Variants in SREBF2 observed in about 807,000 individuals in gnomAD.
SREBF2 encodes sterol regulatory element-binding protein 2.
In SREBF2, 55 loss-of-function variants were observed where a neutral mutation model predicts 113.1. The ratio of observed to expected loss-of-function variants is 0.49; its 90% CI spans 0.39 to 0.61. The LOEUF (loss-of-function observed/expected upper bound fraction) is 0.61. Ranked by LOEUF, SREBF2 falls within the 20% of genes least tolerant of loss-of-function variation. The pLI is 0.00. For synonymous variants in SREBF2, 593 were observed against 605.7 expected (o/e 0.98, Z 0.31); for missense variants, 1,349 against 1,487.4 (o/e 0.91, Z 1.53).
intron 11 of SREBF2, among the ~76,000 whole-genome samples, chr22:41,887,662 G>T (rs1020248697): frequency 1.3e-5 from 2 of 152,128 alleles, no homozygotes; most frequent in Non-Finnish European, 2.9e-5. Context: ...TATTATGAAG[G>T]GTGCTGCTGT....
chr22:41,897,521 G>A (rs2077427510), intron 14 of SREBF2, among the ~76,000 whole-genome samples: 1 of 152,138 alleles, frequency 6.6e-6, no homozygotes, highest in Admixed American at 6.5e-5. Context: ...GCAGCTCTTG[G>A]GCCTTATGCT....
At chr22:41,851,359 TA>T (rs905023655) in intron 1 of SREBF2, among the ~76,000 whole-genome samples, 38 of 148,108 alleles carry the variant, frequency 2.6e-4, no homozygotes, top group African/African-American at 3.5e-4. Flanking sequence ...AATTTATGTT[TA>T]AAAAAAAAAA....
chr22:41,900,504 T>C lies in SREBF2; in HGVS notation c.2907+6T>C. 2.5e-6 allele frequency: 4 copies of C among 1,612,384 alleles called. No individual in the cohort carries two copies. The highest frequency in any genetic ancestry group is 2.5e-6 in the Non-Finnish European group (3 of 1,179,282). ...CTGACCCTGCCCTCAACCACGTGAG[T>C]GGGAGCTGAGTTGGCCCCTGGGGGA... On this transcript the variant is annotated splice_donor_region_variant and intron_variant, in intron 16 of 18. Transcript: ENST00000361204.
intron 1 of SREBF2, among the ~76,000 whole-genome samples, chr22:41,835,309 A>ATT (rs201960674): frequency 4.2e-4 from 46 of 109,322 alleles, no homozygotes; most frequent in Admixed American, 6.9e-4. Flanking sequence ...AGCCACCTAA[A>ATT]TTTTTTTTTT....
At chr22:41,864,808 C>T (rs1347883546) in intron 1 of SREBF2, among the ~76,000 whole-genome samples, 2 of 151,810 alleles carry the variant, frequency 1.3e-5, no homozygotes, top group Non-Finnish European at 2.9e-5. Context: ...AAAAATTAGC[C>T]GGGCATGGTT....
intron 3 of SREBF2, among the ~76,000 whole-genome samples, chr22:41,869,730 C>T (rs903777785): frequency 3.3e-5 from 5 of 152,088 alleles, no homozygotes; most frequent in South Asian, 2.1e-4. Flanking sequence ...AACAGTGCAT[C>T]GATCTCGGCC....
Position 41,894,876 on chromosome 22 carries a change from A to G in SREBF2, c.2434A>G (p.Ile812Val), listed in dbSNP as rs1569408183. The G allele has an allele frequency of 2.5e-6, 4 of 1,614,096 alleles. No individual in the cohort carries two copies. Among genetic ancestry groups the G allele is most frequent in the African/African-American group, 1.3e-5 (1 of 75,048 alleles). ...CTGCAAGAACCTGCTGGAGCGAGCT[A>G]TAGAGTCCTTGGTGAAACCTCAGGC... ...AFCKNLLERA[I>V]ESLVKPQAKK... Residue 812 changes from isoleucine to valine, a missense_variant, in exon 13 of 19, where the codon ATA (isoleucine) becomes GTA (valine). Physicochemically the swap from Ile to Val is conservative, Grantham distance 29. Around this residue, in one of 2 missense-constraint regions of SREBF2, gnomAD observed 650 missense variants for 644.1 expected, o/e 1.01. Coordinates refer to ENST00000361204, the MANE Select transcript of SREBF2 (RefSeq NM_004599.4).
chr22:41,901,890 G>A (rs2077468209), intron 16 of SREBF2, among the ~76,000 whole-genome samples: 1 of 152,238 alleles, frequency 6.6e-6, no homozygotes, highest in Non-Finnish European at 1.5e-5. Flanking sequence ...GAGCCTAGAA[G>A]ACAACGCCAT....
At chr22:41,837,591 G>T (rs8140908) in intron 1 of SREBF2, among the ~76,000 whole-genome samples, 8,491 of 147,410 alleles carry the variant, frequency 0.058, 810 homozygotes, top group African/African-American at 0.2. Flanking sequence ...GGACACGGTG[G>T]CTCACACCTA....
intron 8 of SREBF2, 97 bp from the exon 9 acceptor site, chr22:41,877,834 GAAAATGAGGTA>G (rs1205948301): frequency 3.3e-6 from 4 of 1,209,610 alleles, no homozygotes; most frequent in Non-Finnish European, 4.9e-6. Flanking sequence ...CCTTTCTTCT[GAAAATGAGGTA>G]GAAGACTCTT....
rs200740168 is a variant in SREBF2 at position 41,851,487 on chromosome 22, TTTTG to T, written c.89-15328_89-15325del. Among the ~76,000 whole-genome samples, 375 of 148,012 alleles carry T rather than the reference TTTTG, an allele frequency of 2.5e-3. 9 individuals carry two copies. In the East Asian group the frequency reaches 0.07, roughly 28 times the overall value. On this transcript the variant is annotated intron_variant, in intron 1 of 18. Coordinates refer to ENST00000361204, the MANE Select transcript of SREBF2 (RefSeq NM_004599.4). ...AGTAAGGCCCTGCTTCTTTTAGTCTTTTTGTTTGTTTGTTTGTTTTTTTGAGATG... is the reference window on the plus strand; with the variant it reads ...AGTAAGGCCCTGCTTCTTTTAGTCTTTTTGTTTGTTTGTTTTTTTGAGATG...
In SREBF2 at chr22:41,903,700, A is replaced by G. The variant is rs373597985; in HGVS notation, c.3093+545A>G. Among the ~76,000 whole-genome samples, 6 of 152,280 alleles carry G rather than the reference A, an allele frequency of 3.9e-5. No homozygotes were observed. In the East Asian group the frequency reaches 9.7e-4, roughly 25 times the overall value. ...TGTATTGCTATATAATGTATTCAAC[A>G]TATTTGTACCTGTATTTTTTTCTAA... is the stretch of plus-strand genomic sequence containing the variant. On this transcript the variant is annotated intron_variant, in intron 17 of 18. Transcript: ENST00000361204.
intron 1 of SREBF2, among the ~76,000 whole-genome samples, chr22:41,839,261 G>A (rs1034978684): frequency 1.3e-5 from 2 of 152,148 alleles, no homozygotes; most frequent in Admixed American, 1.3e-4. Context: ...TGCTGAAATT[G>A]GGGTGCCTGG....
chr22:41,873,254 A>T (rs938130629), intron 4 of SREBF2, among the ~76,000 whole-genome samples: 1 of 152,140 alleles, frequency 6.6e-6, no homozygotes. Flanking sequence ...GAAAACAGAG[A>T]TGAAGAATAA....
intron 11 of SREBF2, among the ~76,000 whole-genome samples, chr22:41,887,828 T>C (rs943113512): frequency 1.3e-5 from 2 of 151,458 alleles, no homozygotes; most frequent in Admixed American, 6.5e-5. Flanking sequence ...ACCGAACACA[T>C]ATAATGTCAA....
Position 41,874,161 on chromosome 22 carries a change from G to T in SREBF2, c.1089+142G>T, listed in dbSNP as rs959934467. On this transcript the variant is annotated intron_variant, in intron 5 of 18. Coordinates refer to ENST00000361204, the MANE Select transcript of SREBF2 (RefSeq NM_004599.4). ...GGTGCTTTTTTATTAAAGCATCTTG[G>T]TGTCATGTCAAGATTATAAAATATT... is the stretch of plus-strand genomic sequence containing the variant. The T allele has an allele frequency of 4.8e-6, 4 of 829,004 alleles. No homozygotes were observed. The Admixed American group carries it at 9.0e-5, about 19-fold the overall frequency. The allele number at this position is 829,004 out of a possible 1,614,324, so 51.4% of individuals were successfully genotyped here. A position where few individuals can be genotyped will look rare whatever the true frequency, so the allele number is the denominator to read the frequency against.
chr22:41,837,615 T>C (rs1199619949), intron 1 of SREBF2, among the ~76,000 whole-genome samples: 1 of 149,734 alleles, frequency 6.7e-6, no homozygotes, highest in African/African-American at 2.5e-5. Flanking sequence ...TCCCAGCACT[T>C]TGGGAGGCCG....
chr22:41,878,262 T>A (rs1322366602), intron 9 of SREBF2, 139 bp downstream of exon 9: 5 of 1,099,954 alleles, frequency 4.5e-6, no homozygotes, highest in East Asian at 2.6e-5. Context: ...CACAGGGCAG[T>A]GGAGTGGGCG....
At chr22:41,861,871 C>T (rs563301174) in intron 1 of SREBF2, among the ~76,000 whole-genome samples, 3 of 151,040 alleles carry the variant, frequency 2.0e-5, no homozygotes, top group African/African-American at 7.3e-5. Flanking sequence ...TGCAGTGAGC[C>T]GAGATTGCAC....
Sources: allele counts gnomAD v4.1 joint callset (sites outside exome capture counted in the v4.1 genomes callset), GRCh38; gene constraint gnomAD v4.1.1; regional missense constraint gnomAD v4.1.1; transcripts MANE v1.5; gene names NCBI Gene and HGNC (gene_info 2026-07-23, HGNC 2026-07-21).